ENG: variants seen among roughly 807,000 people sequenced by gnomAD.
The protein encoded by ENG is endoglin.
ENG carries 17 observed loss-of-function variants against 71.0 expected under a neutral mutation model. That is an observed-to-expected ratio of 0.24 (90% CI 0.16 to 0.36). The LOEUF is 0.36. Ranked by LOEUF, ENG falls within the 10% of genes least tolerant of loss-of-function variation. The probability of loss-of-function intolerance (pLI) is 1.00; values close to 1 mark genes in which losing one functional copy is unlikely to be tolerated. For missense variants in ENG, 749 were observed against 868.3 expected, an observed-to-expected ratio of 0.86 and a Z score of 1.73; for synonymous variants, 360 against 366.9, an observed-to-expected ratio of 0.98 and a Z score of 0.21.
intron 13 of ENG, 131 bp from the exon 14 acceptor site, chr9:127,816,184 TCTC>T: frequency 8.6e-7 from 1 of 1,164,910 alleles, no homozygotes; most frequent in Non-Finnish European, 1.2e-6. Flanking sequence ...TGAACCTCAG[TCTC>T]CTCTTGCAGC....
rs1445219702 is a variant in ENG at position 127,820,034 on chromosome 9, A to G, written c.1138T>C (p.Leu380=). Residue 380 remains leucine (L), a synonymous_variant, in exon 9 of 15, where the codon TTG becomes CTG. Coordinates refer to ENST00000373203, the MANE Select transcript of ENG (RefSeq NM_001114753.3). The part of the protein sequence containing the change: ...LVLKKELVAH[L]KCTITGLTFW... ...GTCAGGCCCGTGATGGTGCACTTCA[A>G]ATGCTGGGTCGGAAGAGAGGGGCAC... 6 of 1,613,776 alleles carry G rather than the reference A, an allele frequency of 3.7e-6. No individual in the cohort carries two copies. The South Asian group carries it at 4.4e-5, about 12-fold the overall frequency.
intron 1 of ENG, 124 bp from the exon 2 acceptor site, chr9:127,843,369 C>A: frequency 7.9e-7 from 1 of 1,260,956 alleles, no homozygotes; most frequent in South Asian, 1.2e-5. Context: ...TCACAGCCAC[C>A]TTATGAGGTG....
At chr9:127,848,068 A>ATGTT (rs1346069641) in intron 1 of ENG, among the ~76,000 whole-genome samples, 1 of 152,150 alleles carries the variant, frequency 6.6e-6, no homozygotes, top group Non-Finnish European at 1.5e-5. Flanking sequence ...TCATCATAAC[A>ATGTT]GCTTCCCATG....
chr9:127,839,441 C>G (rs1830975968), intron 2 of ENG, among the ~76,000 whole-genome samples: 1 of 152,214 alleles, frequency 6.6e-6, no homozygotes, highest in Non-Finnish European at 1.5e-5. Flanking sequence ...GGGCTCAACC[C>G]TCAGAGCAGG....
intron 5 of ENG, 134 bp from the exon 6 acceptor site, chr9:127,825,491 G>T: frequency 1.4e-6 from 2 of 1,460,608 alleles, no homozygotes; most frequent in African/African-American, 1.4e-5. Context: ...TGGGACTGGG[G>T]CCAGGCTTGT....
intron 1 of ENG, among the ~76,000 whole-genome samples, chr9:127,848,644 C>T (rs1279069209): frequency 6.6e-6 from 1 of 152,136 alleles, no homozygotes; most frequent in African/African-American, 2.4e-5. Context: ...GAAGCCAGTC[C>T]CTCCTTTCTT....
At chr9:127,834,561 C>A (rs369813066) in intron 2 of ENG, among the ~76,000 whole-genome samples, 1 of 152,160 alleles carries the variant, frequency 6.6e-6, no homozygotes, top group African/African-American at 2.4e-5. Flanking sequence ...CCTGCCACTG[C>A]GCCTGGCTAG....
In ENG at chr9:127,854,278, T is replaced by G; in HGVS notation, c.67+11A>C. On this transcript the variant is annotated intron_variant, in intron 1 of 14. Coordinates refer to ENST00000373203, the MANE Select transcript of ENG (RefSeq NM_001114753.3). ...GCCGAGTCTCCCCACCCTGGGTCCC[T>G]GGACACCTACTTGTGGGGCTGAGGC... 2 of 1,580,088 alleles carry G rather than the reference T, an allele frequency of 1.3e-6. No homozygotes were observed. The highest frequency in any genetic ancestry group is 2.3e-5 in the South Asian group (2 of 86,148).
Position 127,829,711 on chromosome 9 carries a change from C to T in ENG, c.336G>A (p.Leu112=), listed in dbSNP as rs764992633. Residue 112 remains leucine, a synonymous_variant, in exon 3 of 15, where the codon CTG becomes CTA. Transcript: ENST00000373203. The part of the protein sequence containing the change: ...NSSVFLHLQA[L]GIPLHLAYNS... ...CGTAGGCCAAGTGCAGTGGGATTCC[C>T]AGGGCCTGGAGATGCAGGAAGACAC... 3 of 1,614,092 alleles carry T rather than the reference C, an allele frequency of 1.9e-6. No homozygotes were observed. The Admixed American group carries it at 5.0e-5, about 27-fold the overall frequency.
rs117920546 is a variant in ENG at position 127,846,128 on chromosome 9, G to A, written c.68-2883C>T. ...CGGGATGGGGTGGCCTCCAGGTGAC[G>A]GTCCTCTGGGATGGAGAGGTCACTG... On this transcript the variant is annotated intron_variant, in intron 1 of 14. Transcript: ENST00000373203. This position sits in a 1 kb window ranked among gnomAD's most constrained non-coding sequence, Gnocchi z 5.5. Among the ~76,000 whole-genome samples, 578 of 152,242 alleles carry A rather than the reference G, an allele frequency of 3.8e-3. 5 individuals carry two copies. The East Asian group carries it at 0.049, about 13-fold the overall frequency.
At chr9:127,816,176 A>T in intron 13 of ENG, 123 bp from the exon 14 acceptor site, 1 of 1,219,752 alleles carries the variant, frequency 8.2e-7, no homozygotes, top group Non-Finnish European at 1.2e-6. Flanking sequence ...GACTTCTCTG[A>T]ACCTCAGTCT....
At chr9:127,854,195 G>C in intron 1 of ENG, 94 bp downstream of exon 1, 1 of 1,336,620 alleles carries the variant, frequency 7.5e-7, no homozygotes, top group Non-Finnish European at 1.0e-6. Context: ...TGCTGGGCGT[G>C]AGCTCAGGAT....
chr9:127,824,605 A>G (rs1830557254), intron 7 of ENG, among the ~76,000 whole-genome samples, 159 bp from the exon 8 acceptor site: 1 of 133,522 alleles, frequency 7.5e-6, no homozygotes, highest in African/African-American at 2.9e-5. Flanking sequence ...TGCAACCTCC[A>G]TCTCCCAGGT....
intron 1 of ENG, among the ~76,000 whole-genome samples, chr9:127,844,501 G>GCAGCCT (rs61337946): frequency 0.78 from 117,583 of 151,192 alleles, 48,326 homozygotes; most frequent in East Asian, 0.93. Context: ...ATAGCTCACT[G>GCAGCCT]CAGCCTCAGC....
At chr9:127,828,467 A>C (rs1368540225) in intron 3 of ENG, among the ~76,000 whole-genome samples, 1 of 152,166 alleles carries the variant, frequency 6.6e-6, no homozygotes, top group African/African-American at 2.4e-5. Flanking sequence ...CGGCCCCAGG[A>C]GGAAGGCGGC....
At chr9:127,840,676 G>A (rs1831009514) in intron 2 of ENG, among the ~76,000 whole-genome samples, 2 of 152,152 alleles carry the variant, frequency 1.3e-5, no homozygotes, top group African/African-American at 2.4e-5. Flanking sequence ...GATGCTATGC[G>A]AGGTGCTGGC....
chr9:127,848,596 C>CTAT (rs1588600913), intron 1 of ENG, among the ~76,000 whole-genome samples: 1 of 152,206 alleles, frequency 6.6e-6, no homozygotes, highest in East Asian at 1.9e-4. Flanking sequence ...TAGCAAACTT[C>CTAT]TATTCATCCT....
chr9:127,816,302 G>C, intron 13 of ENG: 1 of 578,602 alleles, frequency 1.7e-6, no homozygotes, highest in Non-Finnish European at 3.1e-6. Context: ...GCCCCTCAAG[G>C]CTGATGGAGA....
chr9:127,815,360 C>T lies in ENG; in HGVS notation c.*322G>A, dbSNP rs1211004515. On this transcript the variant is annotated 3_prime_UTR_variant, in exon 15 of 15. Transcript: ENST00000373203. ...TTTCAAGTTCTCCCTTCCTGCCCAG[C>T]TCAGTTCACCAGTGCTGGATCCAGG... 2.8e-6 allele frequency: 1 copy of T among 359,730 alleles called. No homozygotes were observed. The highest frequency in any genetic ancestry group is 5.1e-6 in the Non-Finnish European group (1 of 196,484). 22.3% of individuals were successfully genotyped at this position (359,730 alleles called of 1,614,324 possible). A position where few individuals can be genotyped will look rare whatever the true frequency, so the allele number is the denominator to read the frequency against.
Sources: gnomAD v4.1 joint callset for allele counts (sites outside exome capture counted in the v4.1 genomes callset) on GRCh38, gnomAD v4.1.1 for gene constraint, Gnocchi (gnomAD v3.1) non-coding constraint, MANE v1.5 for transcripts, NCBI Gene and HGNC (gene_info 2026-07-23, HGNC 2026-07-21) for gene names.